NBEAL1: variants seen among roughly 807,000 people sequenced by gnomAD.
The protein encoded by NBEAL1 is neurobeachin-like protein 1.
A neutral mutation model predicts 351.3 loss-of-function variants in NBEAL1; 273 were observed. The ratio of observed to expected loss-of-function variants is 0.78; its 90% confidence interval spans 0.70 to 0.86. The LOEUF (loss-of-function observed/expected upper bound fraction) is 0.86, where lower values mean the gene tolerates loss of function less well. NBEAL1 is among the 40% of genes least tolerant of loss of function. The probability of loss-of-function intolerance (pLI) is 0.00; values close to 1 mark genes in which losing one functional copy is unlikely to be tolerated. For synonymous variants in NBEAL1, 1,050 were observed against 1,086.4 expected (o/e 0.97, Z 0.66); for missense variants, 2,961 against 3,201.3 (o/e 0.92, Z 1.81).
In NBEAL1 at chr2:203,116,003, C is replaced by T. The variant is rs1037914839; in HGVS notation, c.2525C>T (p.Pro842Leu). The change falls in exon 18 of 56, where the codon CCT (proline) becomes CTT (leucine). Residue 842 changes from proline to leucine, a missense_variant. Transcript: ENST00000683969. Reference sequence around the variant, plus strand: ...TTTTCAGGTCCAAATTGTTTAAGCCCTTGGAAGTGTCAAGAGTCTGACATG... The same window carrying T: ...TTTTCAGGTCCAAATTGTTTAAGCCTTTGGAAGTGTCAAGAGTCTGACATG... ...LYLAGPNCLS[P>L]WKCQESDMAD... 1.3e-6 allele frequency: 2 copies of T among 1,552,792 alleles called. No homozygotes were observed. Among genetic ancestry groups the T allele is most frequent in the African/African-American group, 1.4e-5 (1 of 73,234 alleles).
Position 203,157,863 on chromosome 2 carries a change from A to G in NBEAL1, c.5714+38A>G, listed in dbSNP as rs757918547. On this transcript the variant is annotated intron_variant, in intron 36 of 55. Coordinates refer to ENST00000683969, the MANE Select transcript of NBEAL1 (RefSeq NM_001378026.1). The stretch of plus-strand genomic sequence containing the variant: ...ATTTAAAATTATTTTGTTCTGAGAA[A>G]GGGGATTGCAAAATCGTGGAAAAGA... 26 of 1,426,288 alleles carry G rather than the reference A, an allele frequency of 1.8e-5. No individual in the cohort carries two copies. The African/African-American group carries it at 2.9e-4, about 16-fold the overall frequency. The allele number at this position is 1,426,288 out of a possible 1,614,324, so 88.4% of individuals were successfully genotyped here. A position where few individuals can be genotyped will look rare whatever the true frequency, so the allele number is the denominator to read the frequency against.
In NBEAL1 at chr2:203,084,598, G is replaced by T. The variant is rs188181625; in HGVS notation, c.1098+29G>T. 473 of 1,284,108 alleles carry T rather than the reference G, an allele frequency of 3.7e-4. 1 individual carries two copies. The highest frequency in any genetic ancestry group is 6.6e-5 in the Non-Finnish European group (62 of 941,392). The allele number at this position is 1,284,108 out of a possible 1,614,324, so 79.5% of individuals were successfully genotyped here. A position where few individuals can be genotyped will look rare whatever the true frequency, so the allele number is the denominator to read the frequency against. On this transcript the variant is annotated intron_variant, in intron 10 of 55. Transcript: ENST00000683969. Reference sequence around the variant, plus strand: ...TTTTTCTATTATTGTTGTTGTCTTTGATTTTAAGAAGCTATTTTTTGTTTT... The same window carrying T: ...TTTTTCTATTATTGTTGTTGTCTTTTATTTTAAGAAGCTATTTTTTGTTTT...
intron 45 of NBEAL1, 108 bp from the exon 46 acceptor site, chr2:203,190,184 A>G (rs999803369): frequency 1.6e-6 from 1 of 627,774 alleles, no homozygotes; most frequent in African/African-American, 1.9e-5. Flanking sequence ...ACACACACAC[A>G]CACACACACA....
intron 31 of NBEAL1, among the ~76,000 whole-genome samples, chr2:203,142,259 G>A (rs2063401565): frequency 6.6e-6 from 1 of 152,184 alleles, no homozygotes; most frequent in Non-Finnish European, 1.5e-5. Flanking sequence ...GGGTTCAAGT[G>A]ATTCTCTGGT....
chr2:203,098,607 T>C (rs1054328661), intron 11 of NBEAL1, among the ~76,000 whole-genome samples: 3 of 152,184 alleles, frequency 2.0e-5, no homozygotes, highest in African/African-American at 4.8e-5. Flanking sequence ...TTGTTTTTGC[T>C]ATAAATACAC....
At chr2:203,015,984 T>G (rs1008393612) in intron 1 of NBEAL1, 172 bp from the exon 2 acceptor site, 1 of 157,378 alleles carries the variant, frequency 6.4e-6, no homozygotes, top group African/African-American at 2.4e-5. Flanking sequence ...CATACTGTGT[T>G]AGCTGTGATG....
rs2106397538 is a variant in NBEAL1 at position 203,167,291 on chromosome 2, T to C, written c.5928T>C (p.Asn1976=). 1.1e-5 allele frequency: 18 copies of C among 1,613,066 alleles called. No homozygotes were observed. Among genetic ancestry groups the C allele is most frequent in the Non-Finnish European group, 1.5e-5 (18 of 1,179,608 alleles). The part of the protein sequence containing the change: ...QIREIHLRRY[N]LRRSALEIFH... ...GAGAGATTCATCTCCGGCGTTACAATTTAAGAAGATCAGCCCTTGAGATTT... is the reference window on the plus strand; with the variant it reads ...GAGAGATTCATCTCCGGCGTTACAACTTAAGAAGATCAGCCCTTGAGATTT... The change falls in exon 38 of 56, where the codon AAT becomes AAC. Residue 1976 remains asparagine (N), a synonymous_variant. Transcript: ENST00000683969.
intron 14 of NBEAL1, among the ~76,000 whole-genome samples, chr2:203,108,536 C>A (rs59517854): frequency 1.1e-4 from 17 of 151,808 alleles, no homozygotes; most frequent in African/African-American, 3.9e-4. Flanking sequence ...GTAGTTGGGA[C>A]TACAGGCACC....
chr2:203,154,118 C>A (rs1229994407), intron 35 of NBEAL1, among the ~76,000 whole-genome samples: 2 of 147,662 alleles, frequency 1.4e-5, no homozygotes, highest in Admixed American at 1.3e-4. Context: ...CACCTGTAGT[C>A]CCAGATACTT....
chr2:203,143,259 G>A (rs1293276118), intron 31 of NBEAL1, among the ~76,000 whole-genome samples: 1 of 152,148 alleles, frequency 6.6e-6, no homozygotes, highest in African/African-American at 2.4e-5. Flanking sequence ...GGGGATTAAG[G>A]CCAAAGCTTA....
At chr2:203,114,161 C>T (rs757257873) in intron 17 of NBEAL1, among the ~76,000 whole-genome samples, 2 of 152,078 alleles carry the variant, frequency 1.3e-5, no homozygotes, top group Non-Finnish European at 2.9e-5. Context: ...TCTCAGACTA[C>T]GGCCCCATCC....
chr2:203,043,529 C>T (rs180918123), intron 3 of NBEAL1, among the ~76,000 whole-genome samples: 1 of 152,004 alleles, frequency 6.6e-6, no homozygotes, highest in East Asian at 1.9e-4. Flanking sequence ...TTACTTGAGC[C>T]TAGGAGTTTG....
Position 203,190,348 on chromosome 2 carries a change from A to T in NBEAL1, c.6880A>T (p.Met2294Leu), listed in dbSNP as rs773452515. 2 of 1,612,634 alleles carry T rather than the reference A, an allele frequency of 1.2e-6. No individual in the cohort carries two copies. Among genetic ancestry groups the T allele is most frequent in the Non-Finnish European group, 1.7e-6 (2 of 1,179,692 alleles). The stretch of plus-strand genomic sequence containing the variant: ...GAAAGAAAGAAAAGCCTTAGAAGGG[A>T]TGATTAATAATTTTGGGCAAACACC... ...DEKERKALEG[M>L]INNFGQTPCQ... Residue 2294 changes from methionine to leucine, a missense_variant, in exon 46 of 56, where the codon ATG becomes TTG. By Grantham distance (15) the Met-to-Leu change is conservative. Transcript: ENST00000683969.
At chr2:203,094,326 A>G (rs1045159048) in intron 10 of NBEAL1, among the ~76,000 whole-genome samples, 1 of 152,216 alleles carries the variant, frequency 6.6e-6, no homozygotes, top group Non-Finnish European at 1.5e-5. Context: ...TTGAAATCTT[A>G]TGAAAACCTA....
chr2:203,071,567 A>T (rs2061683697), intron 7 of NBEAL1, among the ~76,000 whole-genome samples: 1 of 152,180 alleles, frequency 6.6e-6, no homozygotes, highest in Admixed American at 6.5e-5. Flanking sequence ...CATACAGAAT[A>T]CATCCATTTT....
intron 15 of NBEAL1, among the ~76,000 whole-genome samples, chr2:203,110,875 C>T (rs960214582): frequency 8.8e-5 from 13 of 147,778 alleles, no homozygotes; most frequent in South Asian, 4.3e-4. Context: ...AAGCAATTCT[C>T]CTGTCTCAGC....
intron 3 of NBEAL1, among the ~76,000 whole-genome samples, chr2:203,048,882 CTTTTTT>C (rs71408913): frequency 7.0e-6 from 1 of 143,574 alleles, no homozygotes; most frequent in Admixed American, 6.9e-5. Flanking sequence ...TCTACATTTC[CTTTTTT>C]TTTTTTTTTA....
At chr2:203,161,627 TCAAATAAA>T (rs2063963910) in intron 36 of NBEAL1, among the ~76,000 whole-genome samples, 1 of 122,612 alleles carries the variant, frequency 8.2e-6, no homozygotes, top group African/African-American at 3.2e-5. Context: ...AGACTCCGTC[TCAAATAAA>T]TAAATAAATA....
chr2:203,034,400 G>A (rs999758631), intron 2 of NBEAL1, among the ~76,000 whole-genome samples: 6 of 132,016 alleles, frequency 4.5e-5, no homozygotes, highest in African/African-American at 1.0e-4. Flanking sequence ...CTTGCGATCC[G>A]CCCACCTTGG....
Sources: gnomAD v4.1 joint callset for allele counts (sites outside exome capture counted in the v4.1 genomes callset) on GRCh38, gnomAD v4.1.1 for gene constraint, MANE v1.5 for transcripts, NCBI Gene and HGNC (gene_info 2026-07-23, HGNC 2026-07-21) for gene names.